Variants in PIK3C2G observed in about 807,000 individuals in gnomAD.
PIK3C2G encodes phosphatidylinositol-4-phosphate 3-kinase catalytic subunit type 2 gamma.
In PIK3C2G, 168 loss-of-function variants were observed where a neutral mutation model predicts 181.1. That is an observed-to-expected ratio of 0.93 (90% CI 0.82 to 1.05). The LOEUF (loss-of-function observed/expected upper bound fraction) is 1.05. PIK3C2G is among the 50% of genes least tolerant of loss of function. PIK3C2G has a pLI of 0.00. For synonymous variants in PIK3C2G, 573 were observed against 592.2 expected (o/e 0.97, Z 0.47); for missense variants, 1,869 against 1,732.8 (o/e 1.08, Z -1.40).
intron 11 of PIK3C2G, 33 bp downstream of exon 11, chr12:18,346,869 C>T (rs774768694): frequency 4.1e-5 from 56 of 1,371,438 alleles, no homozygotes; most frequent in Non-Finnish European, 5.5e-5. Context: ...CAAAAGCATT[C>T]ATTTTTACAT....
At chr12:18,327,292 G>C (rs190097581) in intron 8 of PIK3C2G, among the ~76,000 whole-genome samples, 2 of 151,974 alleles carry the variant, frequency 1.3e-5, no homozygotes, top group African/African-American at 4.8e-5. Context: ...ACAATTTTGC[G>C]CTTTCTATTC....
chr12:18,569,444 T>C (rs1189083570), intron 29 of PIK3C2G, among the ~76,000 whole-genome samples: 1 of 152,148 alleles, frequency 6.6e-6, no homozygotes, highest in African/African-American at 2.4e-5. Context: ...AATGCAGTGA[T>C]AGCCCATTTC....
intron 18 of PIK3C2G, among the ~76,000 whole-genome samples, chr12:18,444,544 C>T (rs1946922848): frequency 6.6e-6 from 1 of 152,030 alleles, no homozygotes; most frequent in Non-Finnish European, 1.5e-5. Context: ...GTTCAGTTTC[C>T]ATACTGTAGA....
intron 28 of PIK3C2G, among the ~76,000 whole-genome samples, chr12:18,564,585 T>C (rs1403421603): frequency 6.6e-6 from 1 of 152,100 alleles, no homozygotes; most frequent in African/African-American, 2.4e-5. Flanking sequence ...ACAGGGATTT[T>C]TGAAATTCAG....
intron 8 of PIK3C2G, among the ~76,000 whole-genome samples, chr12:18,325,503 T>C (rs1461346684): frequency 6.6e-6 from 1 of 151,694 alleles, no homozygotes; most frequent in Non-Finnish European, 1.5e-5. Context: ...GGTCAAGAGA[T>C]CGAGACCATC....
At chr12:18,574,288 A>G (rs1946123189) in intron 29 of PIK3C2G, among the ~76,000 whole-genome samples, 1 of 152,346 alleles carries the variant, frequency 6.6e-6, no homozygotes. Context: ...AAGAACAGTT[A>G]TAGAATATTT....
At chr12:18,365,769 T>C (rs1243111922) in intron 12 of PIK3C2G, among the ~76,000 whole-genome samples, 3 of 152,204 alleles carry the variant, frequency 2.0e-5, no homozygotes, top group Non-Finnish European at 2.9e-5. Flanking sequence ...CAGCCATCAG[T>C]CACAAACTCC....
At chr12:18,664,128 G>A in the PIK3C2G span, among the ~76,000 whole-genome samples, 472 of 152,246 alleles carry the variant, frequency 3.1e-3, 2 homozygotes, top group African/African-American at 0.011. Flanking sequence ...AATAACAAGC[G>A]AGGGTCAGGA....
At position 18,546,394 on chromosome 12, in the gene PIK3C2G, A is replaced by G. The variant is rs778855533; in HGVS notation, c.3552A>G (p.Pro1184=). The change falls in exon 26 of 33, where the codon CCA becomes CCG. Residue 1184 remains proline (P), a synonymous_variant. Transcript: ENST00000538779. ...DLKYVYNNLR[P]QDTDLEATSH... is the part of the protein sequence containing the mutation. Reference sequence around the variant, plus strand: ...AATATGTGTATAATAATCTTCGTCCACAAGACACAGACCTGGAAGCAACAA... The same window carrying G: ...AATATGTGTATAATAATCTTCGTCCGCAAGACACAGACCTGGAAGCAACAA... The G allele has an allele frequency of 5.0e-6, 8 of 1,600,530 alleles. No individual in the cohort carries two copies. The South Asian group carries it at 6.8e-5, about 14-fold the overall frequency.
In PIK3C2G at chr12:18,371,251, C is replaced by T. The variant is rs754962723; in HGVS notation, c.1820C>T (p.Ala607Val). ...CTCACTGTAAAACTGTTTGGGATTG[C>T]CTGTGCAACCAACAATGCAAATTTA... ...SMLTVKLFGI[A>V]CATNNANLLA... The change falls in exon 13 of 33, where the codon GCC (alanine) becomes GTC (valine). Residue 607 changes from alanine (A) to valine (V), a missense_variant. Physicochemically the swap from Ala to Val is moderately conservative, Grantham distance 64. Transcript: ENST00000538779. 1 of 1,612,086 alleles carries T rather than the reference C, an allele frequency of 6.2e-7. No homozygotes were observed. The highest frequency in any genetic ancestry group is 2.2e-5 in the East Asian group (1 of 44,798).
intron 24 of PIK3C2G, among the ~76,000 whole-genome samples, chr12:18,525,440 C>T (rs1201223683): frequency 2.0e-5 from 3 of 152,032 alleles, no homozygotes; most frequent in African/African-American, 7.2e-5. Flanking sequence ...AACTATTAGT[C>T]ATTTAAGTTC....
chr12:18,671,217 G>GAA, the PIK3C2G span, among the ~76,000 whole-genome samples: 7 of 149,240 alleles, frequency 4.7e-5, no homozygotes, highest in Admixed American at 4.7e-4. Flanking sequence ...GAAAGAAAAA[G>GAA]AAAAAGTGCT....
chr12:18,500,539 G>A (rs897475882), intron 22 of PIK3C2G, among the ~76,000 whole-genome samples: 2 of 152,194 alleles, frequency 1.3e-5, no homozygotes, highest in East Asian at 1.9e-4. Context: ...GGCGCACGGC[G>A]CAGGACTGGC....
chr12:18,535,859 C>CA (rs1388348249), intron 24 of PIK3C2G, among the ~76,000 whole-genome samples: 1 of 151,952 alleles, frequency 6.6e-6, no homozygotes, highest in Admixed American at 6.6e-5. Context: ...ATCGCAAGGA[C>CA]AAAAAACCAA....
At chr12:18,398,877 A>G (rs11044075) in intron 15 of PIK3C2G, among the ~76,000 whole-genome samples, 18,998 of 152,222 alleles carry the variant, frequency 0.12, 1,217 homozygotes, top group African/African-American at 0.14. Context: ...AACTTGCTTT[A>G]AGATGAAGAA....
the PIK3C2G span, among the ~76,000 whole-genome samples, chr12:18,711,076 T>C: frequency 6.6e-6 from 1 of 151,930 alleles, no homozygotes; most frequent in African/African-American, 2.4e-5. Context: ...TATAAAGACA[T>C]ATGCACATAT....
intron 24 of PIK3C2G, among the ~76,000 whole-genome samples, chr12:18,524,398 G>T (rs888120503): frequency 6.6e-6 from 1 of 152,052 alleles, no homozygotes; most frequent in Admixed American, 6.6e-5. Context: ...TGGTATTCTC[G>T]CCTGTGGATA....
chr12:18,615,743 T>C (rs576348869), intron 31 of PIK3C2G, among the ~76,000 whole-genome samples: 3 of 152,058 alleles, frequency 2.0e-5, no homozygotes, highest in Non-Finnish European at 4.4e-5. Context: ...TCTCCATTGA[T>C]TCATCTATGG....
At chr12:18,701,631 T>A in the PIK3C2G span, 1 of 1,585,268 alleles carries the variant, frequency 6.3e-7, no homozygotes. Context: ...CTCCTCCTCC[T>A]CCTCCTCCTC....
Sources: allele counts gnomAD v4.1 joint callset (sites outside exome capture counted in the v4.1 genomes callset), GRCh38; gene constraint gnomAD v4.1.1; transcripts MANE v1.5; gene names NCBI Gene and HGNC (gene_info 2026-07-23, HGNC 2026-07-21).